Variants in CA5A observed in about 807,000 individuals in gnomAD.
The protein encoded by CA5A is carbonic anhydrase 5A.
A neutral mutation model predicts 37.1 loss-of-function variants in CA5A; 28 were observed. The ratio of observed to expected loss-of-function variants is 0.75; its 90% CI spans 0.56 to 1.03. The LOEUF (loss-of-function observed/expected upper bound fraction) is 1.03. CA5A is among the 50% of genes least tolerant of loss of function. The pLI, the probability that CA5A is intolerant of heterozygous loss-of-function variation, is 0.00. For missense variants in CA5A, 444 were observed against 399.9 expected (o/e 1.11, Z -0.94); for synonymous variants, 171 against 158.4 (o/e 1.08, Z -0.60).
At chr16:87,923,804 A>G in intron 2 of CA5A, 1 of 985,402 alleles carries the variant, frequency 1.0e-6, no homozygotes, top group Non-Finnish European at 1.2e-6. Flanking sequence ...AAAATTATCC[A>G]GGAGGAATAT....
chr16:87,909,143 C>A (rs984264467), intron 2 of CA5A, among the ~76,000 whole-genome samples: 54 of 152,138 alleles, frequency 3.5e-4, no homozygotes, highest in Middle Eastern at 3.4e-3. Context: ...TCACAGAATT[C>A]TTTACTGCAG....
chr16:87,886,711 CAATA>C (rs1388563663), downstream of CA5A: 1 of 152,026 alleles, frequency 6.6e-6, no homozygotes, highest in Non-Finnish European at 1.5e-5. Flanking sequence ...ATCGATCAAT[CAATA>C]GATAGATCAA....
At chr16:87,897,455 G>A (rs1322455160) in intron 5 of CA5A, among the ~76,000 whole-genome samples, 5 of 152,086 alleles carry the variant, frequency 3.3e-5, no homozygotes, top group Admixed American at 3.3e-4. Context: ...CTGCGTGCTG[G>A]GAGCTGAGTG....
At chr16:87,889,247 G>C (rs1265961134) in intron 6 of CA5A, among the ~76,000 whole-genome samples, 1 of 151,888 alleles carries the variant, frequency 6.6e-6, no homozygotes, top group Non-Finnish European at 1.5e-5. Context: ...TAGAGACAGG[G>C]TTTCACCATG....
chr16:87,914,382 G>A (rs1471280446), intron 2 of CA5A, among the ~76,000 whole-genome samples: 1 of 152,216 alleles, frequency 6.6e-6, no homozygotes, highest in East Asian at 1.9e-4. Flanking sequence ...TGAGGGGTGG[G>A]ATGATGGCAT....
chr16:87,927,107 C>T (rs1028218630), intron 1 of CA5A, among the ~76,000 whole-genome samples, 162 bp from the exon 2 acceptor site: 9 of 152,260 alleles, frequency 5.9e-5, no homozygotes, highest in South Asian at 4.1e-4. Context: ...CAGCGACGCA[C>T]GCCCACAGGG....
chr16:87,881,866 G>A (rs1197676870), exon 5 of CA5A: 2 of 152,204 alleles, frequency 1.3e-5, no homozygotes, highest in Non-Finnish European at 2.9e-5. Context: ...CTCAGGATTA[G>A]CACCAGTTTT....
chr16:87,895,627 G>A lies in CA5A; in HGVS notation c.619-3673C>T, dbSNP rs151023650. On this transcript the variant is annotated intron_variant, in intron 5 of 6. Transcript: ENST00000649794. ...TTCTATGGTTTTGGGTATATTCACA[G>A]TTGTGCAGCCATCCCAAGTCAATTT... Among the ~76,000 whole-genome samples, 525 of 152,300 alleles carry A rather than the reference G, an allele frequency of 3.4e-3. 6 individuals carry two copies. Among genetic ancestry groups the A allele is most frequent in the African/African-American group, 0.012 (508 of 41,576 alleles).
At chr16:87,919,316 G>A (rs772002821) in intron 2 of CA5A, among the ~76,000 whole-genome samples, 16 of 152,314 alleles carry the variant, frequency 1.1e-4, no homozygotes, top group Non-Finnish European at 1.6e-4. Context: ...GCTGTCCTGC[G>A]GGAGTGCTGC....
At chr16:87,926,362 G>A (rs2056310305) in intron 2 of CA5A, among the ~76,000 whole-genome samples, 2 of 152,158 alleles carry the variant, frequency 1.3e-5, no homozygotes, top group African/African-American at 4.8e-5. Context: ...GATGATCAAG[G>A]CCAGCGTGGG....
At chr16:87,904,047 T>G (rs144210889) in intron 3 of CA5A, among the ~76,000 whole-genome samples, 31 of 152,246 alleles carry the variant, frequency 2.0e-4, no homozygotes, top group African/African-American at 7.2e-4. Context: ...TAAGACTGCT[T>G]TAAGATGATC....
chr16:87,895,597 T>G (rs1413664055), intron 5 of CA5A, among the ~76,000 whole-genome samples: 2 of 152,020 alleles, frequency 1.3e-5, no homozygotes, highest in African/African-American at 4.8e-5. Context: ...AATTGAAGGG[T>G]ACAGTTCTAT....
chr16:87,936,353 C>T lies in CA5A; in HGVS notation c.98G>A (p.Trp33Ter), dbSNP rs1165382700. Residue 33 changes from tryptophan (W) to a stop codon, truncating the protein, a stop_gained, in exon 1 of 7, where the codon TGG (tryptophan) becomes TAG (stop). Coordinates refer to ENST00000649794, the MANE Select transcript of CA5A (RefSeq NM_001739.2). LOFTEE classifies it high-confidence loss of function. ...LWSRSMRPGR[W>*]CSQRSCAWQT... ...CCATGCACAGGAACGCTGAGAACACCATCGCCCTGGCCTCATCGAACGACT... is the reference window on the plus strand; with the variant it reads ...CCATGCACAGGAACGCTGAGAACACTATCGCCCTGGCCTCATCGAACGACT... The T allele has an allele frequency of 1.2e-6, 2 of 1,613,880 alleles. No homozygotes were observed. Among genetic ancestry groups the T allele is most frequent in the Non-Finnish European group, 1.7e-6 (2 of 1,179,968 alleles).
chr16:87,925,224 G>C (rs1004829725), intron 2 of CA5A, among the ~76,000 whole-genome samples: 21 of 152,150 alleles, frequency 1.4e-4, no homozygotes, highest in African/African-American at 5.1e-4. Flanking sequence ...TCCCCAGGAA[G>C]AGTCACTGGG....
intron 2 of CA5A, among the ~76,000 whole-genome samples, chr16:87,923,201 T>C (rs1008051521): frequency 1.3e-5 from 2 of 152,216 alleles, no homozygotes; most frequent in African/African-American, 4.8e-5. Flanking sequence ...CAGCGCTTTT[T>C]TTCCCGCGAT....
intron 1 of CA5A, among the ~76,000 whole-genome samples, chr16:87,932,837 C>T (rs1286850005): frequency 1.3e-5 from 2 of 152,324 alleles, no homozygotes; most frequent in South Asian, 4.1e-4. Flanking sequence ...TCCCCCTTGA[C>T]CTCCATGGGA....
At chr16:87,933,604 A>T (rs1020168524) in intron 1 of CA5A, among the ~76,000 whole-genome samples, 1 of 151,422 alleles carries the variant, frequency 6.6e-6, no homozygotes, top group South Asian at 2.1e-4. Flanking sequence ...GCTGATCTTG[A>T]ACTCCTGTGC....
intron 2 of CA5A, among the ~76,000 whole-genome samples, chr16:87,920,163 C>G (rs575359859): frequency 6.6e-6 from 1 of 152,188 alleles, no homozygotes; most frequent in South Asian, 2.1e-4. Flanking sequence ...CCATAGCCAA[C>G]TCACCCCTCA....
At chr16:87,913,538 T>C (rs2056083191) in intron 2 of CA5A, among the ~76,000 whole-genome samples, 1 of 152,134 alleles carries the variant, frequency 6.6e-6, no homozygotes, top group South Asian at 2.1e-4. Context: ...TGCTAGAGTC[T>C]ATTCAGCATT....
Sources: gnomAD v4.1 joint callset for allele counts (sites outside exome capture counted in the v4.1 genomes callset) on GRCh38, gnomAD v4.1.1 for gene constraint, MANE v1.5 for transcripts, NCBI Gene and HGNC (gene_info 2026-07-23, HGNC 2026-07-21) for gene names.